The following SLC4A10 variants were observed in gnomAD, a reference collection of about 807,000 sequenced individuals.
SLC4A10 encodes solute carrier family 4 member 10.
A neutral mutation model predicts 137.7 loss-of-function variants in SLC4A10; 42 were observed. That is an observed-to-expected ratio of 0.30 (90% confidence interval 0.24 to 0.39). The LOEUF is 0.39. SLC4A10 is among the 10% of genes least tolerant of loss of function. The pLI, the probability that SLC4A10 is intolerant of heterozygous loss-of-function variation, is 1.00. For synonymous variants in SLC4A10, 474 were observed against 464.1 expected, an observed-to-expected ratio of 1.02 and a Z score of -0.27; for missense variants, 925 against 1,355.0, an observed-to-expected ratio of 0.68 and a Z score of 4.98.
chr2:161,712,544 A>AT (rs1016349718), intron 1 of SLC4A10, among the ~76,000 whole-genome samples: 27 of 151,940 alleles, frequency 1.8e-4, no homozygotes, highest in African/African-American at 6.3e-4. Flanking sequence ...ATTTCTTGGC[A>AT]TTTTTATTCT....
At chr2:161,684,444 A>G (rs1247261185) in intron 1 of SLC4A10, among the ~76,000 whole-genome samples, 1 of 152,176 alleles carries the variant, frequency 6.6e-6, no homozygotes, top group Non-Finnish European at 1.5e-5. Context: ...AGATCAGTGA[A>G]AGACATATTC....
chr2:161,737,953 C>T (rs576824448), intron 1 of SLC4A10, among the ~76,000 whole-genome samples: 1 of 152,286 alleles, frequency 6.6e-6, no homozygotes, highest in East Asian at 1.9e-4. Flanking sequence ...TATTTACTCT[C>T]AGTTTCTGCC....
chr2:161,964,016 C>A, intron 21 of SLC4A10, 119 bp from the exon 22 acceptor site: 1 of 714,136 alleles, frequency 1.4e-6, no homozygotes, highest in Non-Finnish European at 2.2e-6. Context: ...GAGATATCAA[C>A]TTAGTGTTAT....
At chr2:161,961,030 C>T (rs906305825) in intron 21 of SLC4A10, among the ~76,000 whole-genome samples, 4 of 152,218 alleles carry the variant, frequency 2.6e-5, no homozygotes, top group African/African-American at 7.2e-5. Flanking sequence ...TTTAGCCCAA[C>T]ACTCCAATGT....
intron 15 of SLC4A10, among the ~76,000 whole-genome samples, chr2:161,925,798 T>C (rs2105549698): frequency 6.6e-6 from 1 of 152,298 alleles, no homozygotes; most frequent in East Asian, 1.9e-4. Context: ...TCTGCCTTCA[T>C]TTCATTATGT....
chr2:161,769,907 A>G (rs531557170), intron 1 of SLC4A10, among the ~76,000 whole-genome samples: 10 of 152,040 alleles, frequency 6.6e-5, no homozygotes, highest in African/African-American at 2.4e-4. Flanking sequence ...AATGGAAGAA[A>G]GGCAGGTCCC....
intron 1 of SLC4A10, among the ~76,000 whole-genome samples, chr2:161,696,512 G>C: frequency 7.9e-6 from 1 of 127,086 alleles, no homozygotes; most frequent in South Asian, 2.5e-4. Context: ...GTGTCCATGT[G>C]TTCTCATTGT....
rs749973515 is a variant in SLC4A10, at chr2:161,957,186, G to A, written c.2739G>A (p.Gly913=). 6.2e-7 allele frequency: 1 copy of A among 1,613,626 alleles called. No individual in the cohort carries two copies. The change falls in exon 20 of 27, where the codon GGG becomes GGA. Residue 913 remains glycine (G), a synonymous_variant. Transcript: ENST00000446997. The part of the protein sequence containing the change: ...FLGIREQRVT[G]LMIFILMGSS... ...GCATTCGGGAGCAAAGGGTTACTGG[G>A]CTTATGATTTTTATTCTTATGGGTT...
At chr2:161,710,251 T>C (rs1477635637) in intron 1 of SLC4A10, among the ~76,000 whole-genome samples, 2 of 151,766 alleles carry the variant, frequency 1.3e-5, no homozygotes, top group Non-Finnish European at 3.0e-5. Flanking sequence ...AAAATATGTC[T>C]AATCTGTTAG....
chr2:161,895,258 C>T (rs1431293155), intron 11 of SLC4A10, among the ~76,000 whole-genome samples: 1 of 152,054 alleles, frequency 6.6e-6, no homozygotes, highest in East Asian at 1.9e-4. Flanking sequence ...ATTTTTATGG[C>T]TGCATAGTAT....
chr2:161,939,096 G>T (rs1466076277), intron 15 of SLC4A10, among the ~76,000 whole-genome samples: 1 of 150,944 alleles, frequency 6.6e-6, no homozygotes, highest in Non-Finnish European at 1.5e-5. Flanking sequence ...TTATTTTATT[G>T]AGACCAGTCT....
chr2:161,794,578 T>G (rs2054553800), intron 2 of SLC4A10, among the ~76,000 whole-genome samples: 1 of 152,138 alleles, frequency 6.6e-6, no homozygotes, highest in South Asian at 2.1e-4. Flanking sequence ...TGAAAAAGTC[T>G]AATATACTAG....
At chr2:161,666,207 G>T (rs1236435219) in intron 1 of SLC4A10, among the ~76,000 whole-genome samples, 1 of 151,334 alleles carries the variant, frequency 6.6e-6, no homozygotes, top group Non-Finnish European at 1.5e-5. Context: ...AATAATGAAC[G>T]GTTTTTGATA....
intron 1 of SLC4A10, among the ~76,000 whole-genome samples, chr2:161,699,339 T>C (rs776978979): frequency 2.0e-5 from 3 of 152,138 alleles, no homozygotes; most frequent in Non-Finnish European, 4.4e-5. Context: ...TATATTTCTC[T>C]TGTTTGAGTC....
intron 10 of SLC4A10, among the ~76,000 whole-genome samples, chr2:161,887,328 C>G (rs1285716084): frequency 6.6e-6 from 1 of 152,080 alleles, no homozygotes; most frequent in Non-Finnish European, 1.5e-5. Context: ...CAGGTATATA[C>G]CCAGTAACGG....
intron 1 of SLC4A10, among the ~76,000 whole-genome samples, chr2:161,754,265 T>C (rs1168421874): frequency 6.6e-6 from 1 of 152,144 alleles, no homozygotes; most frequent in Admixed American, 6.5e-5. Flanking sequence ...TCAGGGACTA[T>C]TAAATGGCCT....
chr2:161,875,361 A>C (rs1229886965), intron 8 of SLC4A10, among the ~76,000 whole-genome samples: 1 of 152,174 alleles, frequency 6.6e-6, no homozygotes, highest in African/African-American at 2.4e-5. Flanking sequence ...CCAAAACCCC[A>C]GAATCTTAAT....
chr2:161,881,157 G>A (rs2061750214), intron 9 of SLC4A10, among the ~76,000 whole-genome samples: 1 of 151,866 alleles, frequency 6.6e-6, no homozygotes, highest in South Asian at 2.1e-4. Flanking sequence ...CTTTTTTTGG[G>A]AAGACAAAAG....
chr2:161,779,117 G>A (rs117255525), intron 2 of SLC4A10, among the ~76,000 whole-genome samples: 1 of 152,070 alleles, frequency 6.6e-6, no homozygotes, highest in East Asian at 1.9e-4. Flanking sequence ...CAAAGTGGAA[G>A]TGGCCATGTG....
Sources: gnomAD v4.1 joint callset for allele counts (sites outside exome capture counted in the v4.1 genomes callset) on GRCh38, gnomAD v4.1.1 for gene constraint, MANE v1.5 for transcripts, NCBI Gene and HGNC (gene_info 2026-07-23, HGNC 2026-07-21) for gene names.